Variants in SPATC1 observed in about 807,000 individuals in gnomAD.
The protein encoded by SPATC1 is speriolin.
SPATC1 carries 35 observed loss-of-function variants against 36.5 expected under a neutral mutation model. The ratio of observed to expected loss-of-function variants is 0.96; its 90% CI spans 0.73 to 1.27. SPATC1 has a LOEUF of 1.27. Ranked by LOEUF, SPATC1 falls within the 50% of genes most tolerant of loss-of-function variation. SPATC1 has a pLI of 0.00. For missense variants in SPATC1, 779 were observed against 796.0 expected (o/e 0.98, Z 0.26); for synonymous variants, 361 against 353.6 (o/e 1.02, Z -0.24).
intron 1 of SPATC1, among the ~76,000 whole-genome samples, chr8:144,033,996 C>T (rs1021602345): frequency 3.9e-5 from 6 of 152,326 alleles, no homozygotes; most frequent in South Asian, 2.1e-4. Flanking sequence ...TTCGTGCTGG[C>T]GGGATGCAGC....
chr8:144,027,128 A>G (rs1338648922), intron 1 of SPATC1, among the ~76,000 whole-genome samples: 3 of 150,810 alleles, frequency 2.0e-5, no homozygotes, highest in Non-Finnish European at 4.4e-5. Context: ...CACCACACCC[A>G]GCTTATTTCT....
Position 144,040,380 on chromosome 8 carries a change from G to C in SPATC1, c.683G>C (p.Arg228Thr). ...AACCTGGTCCTGCCAGAGGCCCCAA[G>C]GCTGCGGCTGGCTGAGCCACTCCGC... Reference protein sequence around the residue: ...MSNLVLPEAPRLRLAEPLRGG... With the variant: ...MSNLVLPEAPTLRLAEPLRGG... The change falls in exon 2 of 5, where the codon AGG becomes ACG. Residue 228 changes from arginine (R) to threonine (T), a missense_variant. Coordinates refer to ENST00000377470, the MANE Select transcript of SPATC1 (RefSeq NM_198572.3). 3.1e-6 allele frequency: 5 copies of C among 1,612,430 alleles called. No homozygotes were observed. The highest frequency in any genetic ancestry group is 4.2e-6 in the Non-Finnish European group (5 of 1,179,798).
chr8:144,030,459 A>G (rs1834771631), intron 1 of SPATC1, among the ~76,000 whole-genome samples: 1 of 152,198 alleles, frequency 6.6e-6, no homozygotes, highest in Non-Finnish European at 1.5e-5. Flanking sequence ...CCTGGGTTCA[A>G]GCAATTCTCC....
intron 1 of SPATC1, among the ~76,000 whole-genome samples, chr8:144,015,321 G>C (rs1470135202): frequency 6.6e-6 from 1 of 151,462 alleles, no homozygotes; most frequent in East Asian, 1.9e-4. Context: ...AAAGTGCTGA[G>C]ATTACAGAAG....
intron 1 of SPATC1, among the ~76,000 whole-genome samples, chr8:144,038,688 C>T (rs186808411): frequency 2.6e-5 from 4 of 152,070 alleles, no homozygotes; most frequent in Admixed American, 1.3e-4. Flanking sequence ...TTGAGCAGGC[C>T]GGTCTGGAAC....
chr8:144,012,805 C>T, intron 1 of SPATC1, 79 bp downstream of exon 1: 1 of 1,453,030 alleles, frequency 6.9e-7, no homozygotes, highest in Non-Finnish European at 9.4e-7. Flanking sequence ...GTGCTGAGGT[C>T]TCAGGAGGTC....
intron 1 of SPATC1, among the ~76,000 whole-genome samples, chr8:144,013,781 C>T (rs1048497367): frequency 6.6e-5 from 10 of 152,078 alleles, no homozygotes; most frequent in East Asian, 3.9e-4. Flanking sequence ...CATGGCGAAA[C>T]GCCATCTCTA....
chr8:144,039,988 G>T lies in SPATC1; in HGVS notation c.291G>T (p.Leu97=). Residue 97 remains leucine (L), a synonymous_variant, in exon 2 of 5, where the codon CTG becomes CTT. Coordinates refer to ENST00000377470, the MANE Select transcript of SPATC1 (RefSeq NM_198572.3). The part of the protein sequence containing the change: ...EEVGIMALAP[L]AEMLTSLQPS... ...TGGGGATCATGGCCTTGGCACCCCT[G>T]GCCGAGATGCTAACCAGCTTGCAGC... The T allele has an allele frequency of 6.2e-7, 1 of 1,613,980 alleles. No individual in the cohort carries two copies.
chr8:144,020,578 T>TTCTCCTCTCAGAACCC (rs1834493216), intron 1 of SPATC1, among the ~76,000 whole-genome samples: 1 of 12,614 alleles, frequency 7.9e-5, no homozygotes, highest in Non-Finnish European at 1.7e-4. Flanking sequence ...CCTCAGGACC[T>TTCTCCTCTCAGAACCC]TCTCCCCTCA....
chr8:144,031,450 C>CTT (rs1176896425), intron 1 of SPATC1, among the ~76,000 whole-genome samples: 3,661 of 116,524 alleles, frequency 0.031, 205 homozygotes, highest in African/African-American at 0.087. Context: ...ATTTTTTTTT[C>CTT]TTTTTTTTTT....
At chr8:144,043,367 C>T (rs1276612205) in intron 4 of SPATC1, among the ~76,000 whole-genome samples, 10 of 151,720 alleles carry the variant, frequency 6.6e-5, no homozygotes, top group African/African-American at 9.7e-5. Context: ...CTGCAACCTC[C>T]GTCTCCCAAG....
rs1834894648 is a variant in SPATC1, at chr8:144,036,176, G to A, written c.212-3733G>A. ...TATAATCTCATCATTTTAGGAAGCT[G>A]AGGCAGGAGGATTGCTTGAGGAGTT... On this transcript the variant is annotated intron_variant, in intron 1 of 4. Transcript: ENST00000377470. 3.3e-5 allele frequency among the ~76,000 whole-genome samples: 5 copies of A among 152,298 alleles called. No individual in the cohort carries two copies. In the South Asian group the frequency reaches 6.2e-4, roughly 19 times the overall value.
chr8:144,039,877 C>T lies in SPATC1; in HGVS notation c.212-32C>T, dbSNP rs1835013113. On this transcript the variant is annotated intron_variant, in intron 1 of 4. Coordinates refer to ENST00000377470, the MANE Select transcript of SPATC1 (RefSeq NM_198572.3). Reference sequence around the variant, plus strand: ...CTCGCCGTGGTCTGGAGGGGCTCCCCTGGGGTCTCAGTGCTTTCTCTGTGT... The same window carrying T: ...CTCGCCGTGGTCTGGAGGGGCTCCCTTGGGGTCTCAGTGCTTTCTCTGTGT... 5 of 1,593,856 alleles carry T rather than the reference C, an allele frequency of 3.1e-6. No homozygotes were observed. In the East Asian group the frequency reaches 1.1e-4, roughly 36 times the overall value.
chr8:144,020,701 G>T (rs1256882859), intron 1 of SPATC1, among the ~76,000 whole-genome samples: 1 of 11,664 alleles, frequency 8.6e-5, no homozygotes, highest in Non-Finnish European at 1.8e-4. Flanking sequence ...CTTCCCTCAG[G>T]ATCCTCTTCC....
chr8:144,038,966 A>G (rs182805485), intron 1 of SPATC1, among the ~76,000 whole-genome samples: 103 of 152,364 alleles, frequency 6.8e-4, no homozygotes, highest in African/African-American at 1.8e-3. Flanking sequence ...TGAGCTATAT[A>G]CGCACGGTAG....
Position 144,046,463 on chromosome 8 carries a change from G to A in SPATC1, c.1447-164G>A, listed in dbSNP as rs1244087495. On this transcript the variant is annotated intron_variant, in intron 4 of 4. Transcript: ENST00000377470. The surrounding 1 kb of genome is among the most constrained non-coding windows in gnomAD (Gnocchi z 6.6). ...AGACCTGTCAGGCTCTGCCCACTGG[G>A]TTCCCCTGTCCTAGATTCTTGAGGT... Among the ~76,000 whole-genome samples, 1 of 152,146 alleles carries A rather than the reference G, an allele frequency of 6.6e-6. No homozygotes were observed. Among genetic ancestry groups the A allele is most frequent in the Non-Finnish European group, 1.5e-5 (1 of 68,012 alleles).
Position 144,040,635 on chromosome 8 carries a change from A to G in SPATC1, c.834A>G (p.Gly278=). The G allele has an allele frequency of 6.2e-7, 1 of 1,611,880 alleles. No individual in the cohort carries two copies. Among genetic ancestry groups the G allele is most frequent in the Non-Finnish European group, 8.5e-7 (1 of 1,179,310 alleles). The change falls in exon 3 of 5, where the codon GGA becomes GGG. Residue 278 remains glycine (G), a synonymous_variant. Coordinates refer to ENST00000377470, the MANE Select transcript of SPATC1 (RefSeq NM_198572.3). ...AGCCTCTCAGCATGGCGTTTGCAGG[A>G]GCACCCCTCCAGACCTCCACCCCTA... is the stretch of plus-strand genomic sequence containing the variant. ...DPEPLSMAFA[G]APLQTSTPIG...
chr8:144,042,481 G>A (rs940881599), intron 4 of SPATC1, among the ~76,000 whole-genome samples: 5 of 150,876 alleles, frequency 3.3e-5, no homozygotes, highest in African/African-American at 7.3e-5. Flanking sequence ...CACCATGCCC[G>A]GCTAACTTTT....
intron 1 of SPATC1, among the ~76,000 whole-genome samples, chr8:144,038,881 G>C (rs1834984761): frequency 6.6e-6 from 1 of 152,150 alleles, no homozygotes; most frequent in African/African-American, 2.4e-5. Context: ...TTGAGCGGTT[G>C]CAACAGAGAC....
Sources: allele counts gnomAD v4.1 joint callset (sites outside exome capture counted in the v4.1 genomes callset), GRCh38; gene constraint gnomAD v4.1.1; non-coding constraint Gnocchi (gnomAD v3.1); transcripts MANE v1.5; gene names NCBI Gene and HGNC (gene_info 2026-07-23, HGNC 2026-07-21).